The following GPC5 variants were observed in gnomAD, a reference collection of about 807,000 sequenced individuals.
The protein encoded by GPC5 is glypican-5.
Under a neutral mutation model 53.9 loss-of-function variants are expected in GPC5, and 47 were observed. The observed-to-expected ratio is 0.87, with a 90% CI of 0.69 to 1.11. The LOEUF (loss-of-function observed/expected upper bound fraction) is 1.11. Ranked by LOEUF, GPC5 falls within the 50% of genes most tolerant of loss-of-function variation. The pLI is 0.00. For missense variants in GPC5, 748 were observed against 713.1 expected (o/e 1.05, Z -0.56); for synonymous variants, 286 against 263.3 (o/e 1.09, Z -0.84).
At chr13:92,096,858 G>A (rs2041426242) in intron 6 of GPC5, among the ~76,000 whole-genome samples, 1 of 152,164 alleles carries the variant, frequency 6.6e-6, no homozygotes, top group Admixed American at 6.5e-5. Flanking sequence ...TCTTAAAAAT[G>A]TGCAAGAGGC....
At chr13:91,849,622 A>G (rs140395502) in intron 5 of GPC5, among the ~76,000 whole-genome samples, 1 of 152,304 alleles carries the variant, frequency 6.6e-6, no homozygotes, top group African/African-American at 2.4e-5. Context: ...TATCCACAGA[A>G]CACAGTTTGA....
In GPC5 at chr13:92,830,682, CT is replaced by C. The variant is rs1232049263; in HGVS notation, c.1562-35597del. 2.6e-5 allele frequency among the ~76,000 whole-genome samples: 4 copies of C among 152,114 alleles called. 1 individual carries two copies. The highest frequency in any genetic ancestry group is 9.6e-5 in the African/African-American group (4 of 41,506). On this transcript the variant is annotated intron_variant, in intron 7 of 7. Coordinates refer to ENST00000377067, the MANE Select transcript of GPC5 (RefSeq NM_004466.6). ...TTATGGAGAATTATTAGAAGCCACT[CT>C]TTCAAGATGATTTCATTTTGGCCAC...
chr13:92,368,745 T>A (rs187197980), intron 7 of GPC5, among the ~76,000 whole-genome samples: 134 of 151,898 alleles, frequency 8.8e-4, no homozygotes, highest in African/African-American at 3.1e-3. Context: ...GAATAGTACA[T>A]GTGCAAAATA....
intron 6 of GPC5, among the ~76,000 whole-genome samples, chr13:92,055,834 C>T (rs183143836): frequency 6.6e-6 from 1 of 152,270 alleles, no homozygotes; most frequent in African/African-American, 2.4e-5. Flanking sequence ...TGTGATGCAT[C>T]ATTTTCAAAG....
At chr13:92,385,617 A>T (rs1874645211) in intron 7 of GPC5, among the ~76,000 whole-genome samples, 1 of 144,204 alleles carries the variant, frequency 6.9e-6, no homozygotes, top group South Asian at 2.1e-4. Flanking sequence ...ACATATACAT[A>T]TACATACACA....
At chr13:92,383,767 A>C (rs2043769635) in intron 7 of GPC5, among the ~76,000 whole-genome samples, 1 of 152,190 alleles carries the variant, frequency 6.6e-6, no homozygotes, top group Admixed American at 6.5e-5. Flanking sequence ...TATAACTAAT[A>C]AATTATATTT....
chr13:92,512,115 AT>A (rs1487186563), intron 7 of GPC5, among the ~76,000 whole-genome samples: 1 of 152,166 alleles, frequency 6.6e-6, no homozygotes, highest in East Asian at 1.9e-4. Context: ...TCCATGAGAT[AT>A]TGATGATTTT....
At chr13:91,607,503 T>C (rs2033409710) in intron 2 of GPC5, among the ~76,000 whole-genome samples, 2 of 152,202 alleles carry the variant, frequency 1.3e-5, no homozygotes, top group Non-Finnish European at 2.9e-5. Context: ...GCAGGATTCA[T>C]GCCCTGTACG....
At chr13:91,827,024 T>C (rs181812033) in intron 5 of GPC5, among the ~76,000 whole-genome samples, 50 of 152,034 alleles carry the variant, frequency 3.3e-4, no homozygotes, top group Admixed American at 1.1e-3. Flanking sequence ...GGTAGCATAA[T>C]AGGGTGAATT....
intron 5 of GPC5, among the ~76,000 whole-genome samples, chr13:91,770,704 T>TTGTGTGTGTG (rs71113759): frequency 0.1 from 14,584 of 145,546 alleles, 994 homozygotes; most frequent in East Asian, 0.19. Flanking sequence ...GACTGTGTGT[T>TTGTGTGTGTG]TGTGTGTGTG....
At chr13:92,130,927 A>G (rs2138961543) in intron 6 of GPC5, among the ~76,000 whole-genome samples, 1 of 152,044 alleles carries the variant, frequency 6.6e-6, no homozygotes, top group African/African-American at 2.4e-5. Flanking sequence ...ATGGCAAAAA[A>G]TAAGAAAAAG....
chr13:91,898,216 C>G (rs1011646707), intron 5 of GPC5, among the ~76,000 whole-genome samples: 9 of 152,092 alleles, frequency 5.9e-5, no homozygotes, highest in African/African-American at 2.2e-4. Flanking sequence ...TTTGAAATTG[C>G]TGTTGAAGAT....
intron 1 of GPC5, among the ~76,000 whole-genome samples, chr13:91,438,824 A>G (rs1305162352): frequency 1.3e-5 from 2 of 152,190 alleles, no homozygotes; most frequent in Non-Finnish European, 2.9e-5. Context: ...CGAGCTTCCC[A>G]GGCCACTTTG....
At chr13:92,096,222 G>A (rs953858790) in intron 6 of GPC5, among the ~76,000 whole-genome samples, 2 of 152,150 alleles carry the variant, frequency 1.3e-5, no homozygotes, top group African/African-American at 4.8e-5. Context: ...CCCATCATTG[G>A]CCCTAGTTGC....
chr13:91,908,937 A>G (rs1594656706), intron 6 of GPC5, among the ~76,000 whole-genome samples: 1 of 152,180 alleles, frequency 6.6e-6, no homozygotes, highest in South Asian at 2.1e-4. Flanking sequence ...TTCAAGAGTC[A>G]GTAGTAGACT....
chr13:92,759,377 G>C (rs1428025318), intron 7 of GPC5, among the ~76,000 whole-genome samples: 1 of 151,772 alleles, frequency 6.6e-6, no homozygotes, highest in Non-Finnish European at 1.5e-5. Flanking sequence ...GGAGCAATGG[G>C]ATATCTTTCC....
intron 7 of GPC5, among the ~76,000 whole-genome samples, chr13:92,280,520 C>T (rs939084121): frequency 1.3e-5 from 2 of 152,098 alleles, no homozygotes; most frequent in Non-Finnish European, 2.9e-5. Context: ...ACTACTTTTG[C>T]TATATCCCAT....
At chr13:92,196,809 G>GTA (rs2042259898) in intron 7 of GPC5, among the ~76,000 whole-genome samples, 1 of 57,542 alleles carries the variant, frequency 1.7e-5, no homozygotes, top group African/African-American at 5.1e-5. Flanking sequence ...ATAAACAGGC[G>GTA]CAGACAGAAG....
chr13:92,737,146 G>T (rs1307985067), intron 7 of GPC5, among the ~76,000 whole-genome samples: 4 of 151,970 alleles, frequency 2.6e-5, no homozygotes, highest in Non-Finnish European at 5.9e-5. Context: ...TCTCCAACTA[G>T]ATTACTGACA....
Sources: gnomAD v4.1 joint callset for allele counts (sites outside exome capture counted in the v4.1 genomes callset) on GRCh38, gnomAD v4.1.1 for gene constraint, MANE v1.5 for transcripts, NCBI Gene and HGNC (gene_info 2026-07-23, HGNC 2026-07-21) for gene names.